The following ZNF382 variants were observed in gnomAD, a reference collection of about 807,000 sequenced individuals.
ZNF382 encodes zinc finger protein 382, also known as KRAB/zinc finger suppressor protein 1.
ZNF382 carries 20 observed loss-of-function variants against 38.8 expected under a neutral mutation model. The ratio of observed to expected loss-of-function variants is 0.51; its 90% CI spans 0.36 to 0.75. ZNF382 has a LOEUF of 0.75. ZNF382 is among the 30% of genes least tolerant of loss of function. The pLI, the probability that ZNF382 is intolerant of heterozygous loss-of-function variation, is 0.00. For missense variants in ZNF382, 546 were observed against 654.1 expected (o/e 0.83, Z 1.80); for synonymous variants, 202 against 223.1 (o/e 0.91, Z 0.84).
intron 2 of ZNF382, chr19:36,609,167 T>C (rs2037057835): frequency 6.6e-6 from 1 of 152,228 alleles, no homozygotes; most frequent in South Asian, 2.1e-4. Context: ...GACGGTCTAT[T>C]GGAAGGAAAT....
chr19:36,611,389 T>G (rs2037076847), intron 4 of ZNF382, among the ~76,000 whole-genome samples: 1 of 152,194 alleles, frequency 6.6e-6, no homozygotes. Flanking sequence ...CTACTCTAGG[T>G]ACCTCTTGTA....
chr19:36,611,492 G>T (rs559089834), intron 4 of ZNF382, among the ~76,000 whole-genome samples: 5 of 151,950 alleles, frequency 3.3e-5, no homozygotes, highest in Admixed American at 2.6e-4. Flanking sequence ...CATTTTTAAT[G>T]CTGATTAATA....
rs1229916785 is a variant in ZNF382, at chr19:36,633,430, G to C, written c.*5880G>C. 7 of 146,268 alleles carry C rather than the reference G, an allele frequency of 4.8e-5. No homozygotes were observed. Among genetic ancestry groups the C allele is most frequent in the Non-Finnish European group, 7.4e-5 (5 of 67,986 alleles). The allele number at this position is 146,268 out of a possible 1,614,324, so 9.1% of individuals were successfully genotyped here. A position where few individuals can be genotyped will look rare whatever the true frequency, so the allele number is the denominator to read the frequency against. On this transcript the variant is annotated 3_prime_UTR_variant, in exon 5 of 5. Transcript: ENST00000292928. ...TGGAACTCTTTCTTTTTTAACTTTTGTTTTAGATTCAGGAGTACAGGTGTG... is the reference window on the plus strand; with the variant it reads ...TGGAACTCTTTCTTTTTTAACTTTTCTTTTAGATTCAGGAGTACAGGTGTG...
intron 4 of ZNF382, among the ~76,000 whole-genome samples, chr19:36,614,233 G>A (rs1256805916): frequency 6.6e-6 from 1 of 152,052 alleles, no homozygotes; most frequent in African/African-American, 2.4e-5. Context: ...CCAGCTACTC[G>A]GGAGGCTGAG....
rs1270095220 is a variant in ZNF382 at position 36,606,706 on chromosome 19, C to G, written c.-84-846C>G. On this transcript the variant is annotated intron_variant, in intron 1 of 4. Transcript: ENST00000292928. ...ACTTGTATATGAGTGAGGTTTCCTACTCCCTTAGGCTTGCTAAGATAATAA... is the reference window on the plus strand; with the variant it reads ...ACTTGTATATGAGTGAGGTTTCCTAGTCCCTTAGGCTTGCTAAGATAATAA... 3.3e-5 allele frequency among the ~76,000 whole-genome samples: 5 copies of G among 151,960 alleles called. No homozygotes were observed. The East Asian group carries it at 9.6e-4, about 29-fold the overall frequency.
rs967254274 is a variant in ZNF382 at position 36,633,639 on chromosome 19, TGTAA to T, written c.*6093_*6096del. On this transcript the variant is annotated 3_prime_UTR_variant, in exon 5 of 5. Coordinates refer to ENST00000292928, the MANE Select transcript of ZNF382 (RefSeq NM_032825.5). ...ACACAGAAACCTGTACATGAGTGTTTGTAAGTATTATTTATAATTAAAAAAAAAA... is the reference window on the plus strand; with the variant it reads ...ACACAGAAACCTGTACATGAGTGTTTGTATTATTTATAATTAAAAAAAAAA... 3.3e-5 allele frequency: 5 copies of T among 152,048 alleles called. No individual in the cohort carries two copies. The highest frequency in any genetic ancestry group is 6.3e-3 in the Middle Eastern group (2 of 316). 9.4% of individuals were successfully genotyped at this position (152,048 alleles called of 1,614,324 possible). A position where few individuals can be genotyped will look rare whatever the true frequency, so the allele number is the denominator to read the frequency against.
intron 4 of ZNF382, among the ~76,000 whole-genome samples, chr19:36,624,408 G>A (rs1405104040): frequency 6.6e-6 from 1 of 152,240 alleles, no homozygotes; most frequent in Non-Finnish European, 1.5e-5. Context: ...TATTTGGGCT[G>A]TTCCCAGTAT....
At chr19:36,618,397 A>G (rs1026809389) in intron 4 of ZNF382, among the ~76,000 whole-genome samples, 7 of 152,188 alleles carry the variant, frequency 4.6e-5, no homozygotes, top group Admixed American at 3.9e-4. Flanking sequence ...GTAGTTAACC[A>G]AGGCTTTGAG....
In ZNF382 at chr19:36,626,603, G is replaced by A; in HGVS notation, c.706G>A (p.Gly236Arg). ...MLFTHTRAHR[G>R]ERTFEYNKDG... ...ATTTACACATACTAGAGCTCACAGA[G>A]GAGAAAGAACCTTTGAATACAATAA... Residue 236 changes from glycine to arginine, a missense_variant, in exon 5 of 5, where the codon GGA becomes AGA. Gly to Arg is a moderately radical substitution (Grantham distance 125, BLOSUM62 -2). Coordinates refer to ENST00000292928, the MANE Select transcript of ZNF382 (RefSeq NM_032825.5). 1.2e-6 allele frequency: 2 copies of A among 1,614,098 alleles called. No individual in the cohort carries two copies. The highest frequency in any genetic ancestry group is 2.2e-5 in the East Asian group (1 of 44,874).
In ZNF382 at chr19:36,627,808, G is replaced by T; in HGVS notation, c.*258G>T. 1 of 374,108 alleles carries T rather than the reference G, an allele frequency of 2.7e-6. No individual in the cohort carries two copies. 23.2% of individuals were successfully genotyped at this position (374,108 alleles called of 1,614,324 possible). On this transcript the variant is annotated 3_prime_UTR_variant, in exon 5 of 5. Coordinates refer to ENST00000292928, the MANE Select transcript of ZNF382 (RefSeq NM_032825.5). The stretch of plus-strand genomic sequence containing the variant: ...AGACAAAAACTTCCTCTGTCAAGGT[G>T]TTATAAACATTTAAAATCACATTTT...
intron 4 of ZNF382, among the ~76,000 whole-genome samples, chr19:36,618,999 A>G (rs897134054): frequency 6.6e-5 from 10 of 152,198 alleles, no homozygotes; most frequent in African/African-American, 2.4e-4. Context: ...GCACTCCAGC[A>G]TAGGTAACAG....
intron 4 of ZNF382, among the ~76,000 whole-genome samples, chr19:36,622,476 G>A (rs1028778372): frequency 2.6e-5 from 4 of 152,146 alleles, no homozygotes; most frequent in Admixed American, 6.6e-5. Flanking sequence ...GCTTCTAGTC[G>A]CCCTATCGCC....
intron 4 of ZNF382, among the ~76,000 whole-genome samples, chr19:36,621,014 C>T (rs1038676600): frequency 2.7e-4 from 41 of 152,156 alleles, no homozygotes; most frequent in African/African-American, 9.9e-4. Flanking sequence ...CCACCTTCGC[C>T]TCCGACAGTG....
chr19:36,617,325 T>C (rs752315347), intron 4 of ZNF382, among the ~76,000 whole-genome samples: 8 of 152,110 alleles, frequency 5.3e-5, no homozygotes, highest in Non-Finnish European at 1.2e-4. Context: ...AAGAGGAGCC[T>C]AGGATTCTAA....
At chr19:36,614,925 C>CTTTCCG (rs2037111949) in intron 4 of ZNF382, among the ~76,000 whole-genome samples, 2 of 60,426 alleles carry the variant, frequency 3.3e-5, no homozygotes, top group South Asian at 5.6e-4. Flanking sequence ...TTCCCTTTCC[C>CTTTCCG]TTTCCCTTTC....
rs776464213 is a variant in ZNF382 at position 36,626,262 on chromosome 19, C to T, written c.365C>T (p.Thr122Ile). The T allele has an allele frequency of 1.9e-6, 3 of 1,606,954 alleles. No individual in the cohort carries two copies. The highest frequency in any genetic ancestry group is 2.5e-6 in the Non-Finnish European group (3 of 1,178,206). The change falls in exon 5 of 5, where the codon ACT becomes ATT. Residue 122 changes from threonine (T) to isoleucine (I), a missense_variant. Physicochemically the swap from Thr to Ile is moderately conservative, Grantham distance 89 (BLOSUM62 -1). Coordinates refer to ENST00000292928, the MANE Select transcript of ZNF382 (RefSeq NM_032825.5). The part of the protein sequence containing the change: ...ERSNIYGKTF[T>I]LGKNRISKTI... Reference sequence around the variant, plus strand: ...AGTAATATTTATGGTAAAACATTTACTCTAGGCAAGAACCGTATTTCAAAA... The same window carrying T: ...AGTAATATTTATGGTAAAACATTTATTCTAGGCAAGAACCGTATTTCAAAA...
rs1261373512 is a variant in ZNF382 at position 36,632,785 on chromosome 19, CTGATAA to C, written c.*5238_*5243del. ...GGTTCCTATAACTGCTGTGTATTTC[CTGATAA>C]TGTATGTGAACAAGCATATCTCCTC... On this transcript the variant is annotated 3_prime_UTR_variant, in exon 5 of 5. Transcript: ENST00000292928. 1 of 152,168 alleles carries C rather than the reference CTGATAA, an allele frequency of 6.6e-6. No individual in the cohort carries two copies. Among genetic ancestry groups the C allele is most frequent in the African/African-American group, 2.4e-5 (1 of 41,436 alleles). 9.4% of individuals were successfully genotyped at this position (152,168 alleles called of 1,614,324 possible).
At position 36,627,807 on chromosome 19, in the gene ZNF382, TG is replaced by T. The variant is rs1170445186; in HGVS notation, c.*258del. On this transcript the variant is annotated 3_prime_UTR_variant, in exon 5 of 5. Transcript: ENST00000292928. ...CAGACAAAAACTTCCTCTGTCAAGGTGTTATAAACATTTAAAATCACATTTT... is the reference window on the plus strand; with the variant it reads ...CAGACAAAAACTTCCTCTGTCAAGGTTTATAAACATTTAAAATCACATTTT... 2.1e-5 allele frequency: 8 copies of T among 382,210 alleles called. No individual in the cohort carries two copies. In the Admixed American group the frequency reaches 3.4e-4, roughly 16 times the overall value. 23.7% of individuals were successfully genotyped at this position (382,210 alleles called of 1,614,324 possible).
At chr19:36,622,472 A>C (rs1470837398) in intron 4 of ZNF382, among the ~76,000 whole-genome samples, 1 of 152,234 alleles carries the variant, frequency 6.6e-6, no homozygotes, top group African/African-American at 2.4e-5. Context: ...TGCAGCTTCT[A>C]GTCGCCCTAT....
Sources: allele counts gnomAD v4.1 joint callset (sites outside exome capture counted in the v4.1 genomes callset), GRCh38; gene constraint gnomAD v4.1.1; transcripts MANE v1.5; gene names NCBI Gene and HGNC (gene_info 2026-07-23, HGNC 2026-07-21).